Variants in ZNF827 observed in about 807,000 individuals in gnomAD.
ZNF827 encodes zinc finger protein 827.
In ZNF827, 13 loss-of-function variants were observed where a neutral mutation model predicts 102.4. The observed-to-expected ratio is 0.13, with a 90% CI of 0.08 to 0.20. The LOEUF (loss-of-function observed/expected upper bound fraction) is 0.20, where lower values mean the gene tolerates loss of function less well. Among genes scored for constraint, ZNF827 ranks in the 10% least tolerant of loss-of-function variants. ZNF827 has a pLI of 1.00. For synonymous variants in ZNF827, 523 were observed against 536.2 expected (o/e 0.98, Z 0.34); for missense variants, 1,103 against 1,344.4 (o/e 0.82, Z 2.81).
intron 1 of ZNF827, among the ~76,000 whole-genome samples, chr4:145,935,277 A>C (rs906923475): frequency 2.0e-5 from 3 of 152,196 alleles, no homozygotes; most frequent in Non-Finnish European, 4.4e-5. Flanking sequence ...TAAAAGTGGG[A>C]CTTAGAACTA....
chr4:145,789,954 A>G (rs976155675), intron 8 of ZNF827, among the ~76,000 whole-genome samples: 3 of 152,212 alleles, frequency 2.0e-5, no homozygotes. Flanking sequence ...TCTTCTTTAC[A>G]TCTTTACATC....
At chr4:145,867,714 A>C (rs1484289504) in intron 5 of ZNF827, among the ~76,000 whole-genome samples, 1 of 152,202 alleles carries the variant, frequency 6.6e-6, no homozygotes, top group East Asian at 1.9e-4. Context: ...GATTTTCCCA[A>C]GCATATGGGA....
intron 4 of ZNF827, among the ~76,000 whole-genome samples, chr4:145,871,658 A>G (rs1579434760): frequency 6.6e-6 from 1 of 152,338 alleles, no homozygotes; most frequent in East Asian, 1.9e-4. Context: ...AGTCCATTCC[A>G]TCTTAACAGA....
chr4:145,854,068 TG>T (rs568356671), intron 5 of ZNF827, among the ~76,000 whole-genome samples: 7 of 152,018 alleles, frequency 4.6e-5, no homozygotes, highest in Non-Finnish European at 1.0e-4. Context: ...TCCTATGAAC[TG>T]TAAGTCTCTA....
intron 1 of ZNF827, among the ~76,000 whole-genome samples, chr4:145,913,878 C>A (rs962838206): frequency 6.6e-6 from 1 of 152,070 alleles, no homozygotes; most frequent in African/African-American, 2.4e-5. Context: ...TAATAAATTA[C>A]CAAACTACTG....
intron 13 of ZNF827, 38 bp downstream of exon 13, chr4:145,764,950 A>C: frequency 6.2e-7 from 1 of 1,608,536 alleles, no homozygotes; most frequent in East Asian, 2.2e-5. Context: ...GGTATTTAAT[A>C]ACAACGCAGT....
At chr4:145,899,546 G>A (rs565713587) in intron 2 of ZNF827, among the ~76,000 whole-genome samples, 1 of 152,282 alleles carries the variant, frequency 6.6e-6, no homozygotes, top group African/African-American at 2.4e-5. Flanking sequence ...AAGAGTGAGG[G>A]CATCCCCTCT....
intron 4 of ZNF827, among the ~76,000 whole-genome samples, chr4:145,873,502 G>C (rs1274801635): frequency 6.6e-6 from 1 of 152,174 alleles, no homozygotes; most frequent in Non-Finnish European, 1.5e-5. Flanking sequence ...TTTCTACCTA[G>C]ACCACAGCAT....
chr4:145,840,072 T>C (rs1215620782), intron 7 of ZNF827, among the ~76,000 whole-genome samples: 3 of 152,212 alleles, frequency 2.0e-5, no homozygotes, highest in African/African-American at 7.2e-5. Context: ...GAGAAAGGGC[T>C]TGGTGAAATG....
chr4:145,774,734 A>G (rs985076909), intron 10 of ZNF827, 62 bp from the exon 11 acceptor site: 1 of 1,551,814 alleles, frequency 6.4e-7, no homozygotes, highest in African/African-American at 1.3e-5. Flanking sequence ...TTCTAAATGT[A>G]GGCTGTCCAT....
chr4:145,873,281 G>C (rs1444191872), intron 4 of ZNF827, among the ~76,000 whole-genome samples: 1 of 152,188 alleles, frequency 6.6e-6, no homozygotes, highest in Non-Finnish European at 1.5e-5. Flanking sequence ...ACCCTGAATA[G>C]TGCCTGGTAC....
At chr4:145,866,011 G>C (rs1362371984) in intron 5 of ZNF827, among the ~76,000 whole-genome samples, 1 of 152,156 alleles carries the variant, frequency 6.6e-6, no homozygotes, top group East Asian at 1.9e-4. Context: ...ATGTGGACTG[G>C]GTAACAGAAG....
At position 145,902,803 on chromosome 4, in the gene ZNF827, C is replaced by G; in HGVS notation, c.456G>C (p.Ser152=). ...GRVESPVNVG[S]NLSFSPPSHH... ...GGGAAGGCGGGGAAAAGGAGAGGTT[C>G]GAGCCAACGTTTACGGGGGACTCCA... The change falls in exon 2 of 15, where the codon TCG becomes TCC. Residue 152 remains serine (S), a synonymous_variant. Coordinates refer to ENST00000508784, the MANE Select transcript of ZNF827 (RefSeq NM_001306215.2). This position sits in a 1 kb window ranked among gnomAD's most constrained non-coding sequence, Gnocchi z 4.3. 6.2e-7 allele frequency: 1 copy of G among 1,614,114 alleles called. No individual in the cohort carries two copies. Among genetic ancestry groups the G allele is most frequent in the Non-Finnish European group, 8.5e-7 (1 of 1,180,040 alleles).
chr4:145,845,931 GA>G, intron 7 of ZNF827, 24 bp downstream of exon 7: 1 of 1,613,994 alleles, frequency 6.2e-7, no homozygotes, highest in South Asian at 1.1e-5. Context: ...GGGTGTTCTG[GA>G]GGAACCCACA....
intron 5 of ZNF827, among the ~76,000 whole-genome samples, chr4:145,855,047 G>A (rs371250258): frequency 1.3e-5 from 2 of 152,196 alleles, no homozygotes; most frequent in South Asian, 4.1e-4. Context: ...TGTGGCACAC[G>A]GTGGTGTGTA....
intron 8 of ZNF827, among the ~76,000 whole-genome samples, chr4:145,809,398 T>C (rs1023866273): frequency 3.9e-5 from 6 of 152,172 alleles, no homozygotes; most frequent in Non-Finnish European, 7.4e-5. Flanking sequence ...AGGCTAACCA[T>C]GGGGAGAATT....
chr4:145,829,971 A>C (rs1744047703), intron 7 of ZNF827, among the ~76,000 whole-genome samples: 1 of 152,268 alleles, frequency 6.6e-6, no homozygotes, highest in Admixed American at 6.5e-5. Flanking sequence ...TGAAGTGTAC[A>C]GGAAGCAGTT....
intron 5 of ZNF827, among the ~76,000 whole-genome samples, chr4:145,861,508 G>A (rs940911151): frequency 2.0e-5 from 3 of 152,136 alleles, no homozygotes; most frequent in African/African-American, 4.8e-5. Flanking sequence ...TCATCAAATC[G>A]TATTTACCAG....
At chr4:145,886,393 G>C (rs1348948989) in intron 3 of ZNF827, among the ~76,000 whole-genome samples, 1 of 152,120 alleles carries the variant, frequency 6.6e-6, no homozygotes, top group Non-Finnish European at 1.5e-5. Context: ...GATGCAGCCG[G>C]CCAACGGATG....
Sources: allele counts gnomAD v4.1 joint callset (sites outside exome capture counted in the v4.1 genomes callset), GRCh38; gene constraint gnomAD v4.1.1; non-coding constraint Gnocchi (gnomAD v3.1); transcripts MANE v1.5; gene names NCBI Gene and HGNC (gene_info 2026-07-23, HGNC 2026-07-21).